Variants in PCDHA12 observed in about 807,000 individuals in gnomAD.
The protein encoded by PCDHA12 is protocadherin alpha 12.
A neutral mutation model predicts 60.0 loss-of-function variants in PCDHA12; 44 were observed. The observed-to-expected ratio is 0.73, with a 90% CI of 0.58 to 0.94. The LOEUF (loss-of-function observed/expected upper bound fraction) is 0.94. Ranked by LOEUF, PCDHA12 falls within the 40% of genes least tolerant of loss-of-function variation. The pLI is 0.00. For missense variants in PCDHA12, 1,276 were observed against 1,239.7 expected (o/e 1.03, Z -0.44); for synonymous variants, 569 against 553.0 (o/e 1.03, Z -0.40).
At chr5:140,883,945 C>T in intron 1 of PCDHA12, 1 of 1,613,378 alleles carries the variant, frequency 6.2e-7, no homozygotes, top group Non-Finnish European at 8.5e-7. Context: ...TGGACGAGAA[C>T]GACAACGCTC....
chr5:140,955,073 C>T (rs2095133365), intron 1 of PCDHA12, among the ~76,000 whole-genome samples: 1 of 152,146 alleles, frequency 6.6e-6, no homozygotes, highest in South Asian at 2.1e-4. Context: ...TGTTGAAGAT[C>T]AGATGGTTGT....
At chr5:140,883,635 C>T (rs997170789) in intron 1 of PCDHA12, 1 of 1,613,182 alleles carries the variant, frequency 6.2e-7, no homozygotes, top group Non-Finnish European at 8.5e-7. Flanking sequence ...CCGGCGTTCG[C>T]GCAGCCCGAG....
At chr5:140,927,481 G>C in intron 1 of PCDHA12, 2 of 1,614,072 alleles carry the variant, frequency 1.2e-6, no homozygotes, top group Non-Finnish European at 1.7e-6. Context: ...CGAACAGCGC[G>C]CCACCCACCT....
At chr5:140,986,141 G>C (rs1473474920) in intron 3 of PCDHA12, among the ~76,000 whole-genome samples, 2 of 152,138 alleles carry the variant, frequency 1.3e-5, no homozygotes, top group African/African-American at 2.4e-5. Context: ...ATCAACAAGG[G>C]CATCACCAAG....
chr5:140,927,045 C>G, intron 1 of PCDHA12: 1 of 1,612,254 alleles, frequency 6.2e-7, no homozygotes, highest in Non-Finnish European at 8.5e-7. Context: ...CCGCTATGTC[C>G]TCGCGGAACT....
At chr5:140,982,658 C>G (rs530615346) in intron 3 of PCDHA12, 95 bp downstream of exon 3, 2 of 1,487,730 alleles carry the variant, frequency 1.3e-6, no homozygotes, top group East Asian at 4.9e-5. Context: ...GGCTCTTTTT[C>G]TTTTATATTT....
chr5:141,004,423 C>T (rs2098165944), intron 3 of PCDHA12, among the ~76,000 whole-genome samples: 1 of 152,202 alleles, frequency 6.6e-6, no homozygotes, highest in Non-Finnish European at 1.5e-5. Context: ...TCTCTGCCTC[C>T]TGGAGTTTAG....
chr5:140,894,941 C>T (rs2064738715), intron 1 of PCDHA12, among the ~76,000 whole-genome samples: 1 of 152,272 alleles, frequency 6.6e-6, no homozygotes, highest in East Asian at 1.9e-4. Context: ...CAGCTATTGT[C>T]ATGAAATGAT....
chr5:140,986,074 T>C (rs1342378005), intron 3 of PCDHA12, among the ~76,000 whole-genome samples: 1 of 152,124 alleles, frequency 6.6e-6, no homozygotes, highest in African/African-American at 2.4e-5. Context: ...AAAGAAACTG[T>C]TCATTTATTT....
chr5:140,967,433 C>A, intron 1 of PCDHA12: 1 of 1,613,500 alleles, frequency 6.2e-7, no homozygotes, highest in Non-Finnish European at 8.5e-7. Context: ...GGCAGCCTTG[C>A]ACCACCTGGT....
chr5:141,010,408 A>G lies in PCDHA12; in HGVS notation c.*471A>G. 1 of 1,251,364 alleles carries G rather than the reference A, an allele frequency of 8.0e-7. No homozygotes were observed. Among genetic ancestry groups the G allele is most frequent in the Non-Finnish European group, 1.1e-6 (1 of 926,828 alleles). 77.5% of individuals were successfully genotyped at this position (1,251,364 alleles called of 1,614,324 possible). ...GGCTGAGACGAGCCAGCTTAGACTA[A>G]TTGGTACAAGGAAGGCAAGAAAACA... On this transcript the variant is annotated 3_prime_UTR_variant, in exon 4 of 4. Transcript: ENST00000398631.
chr5:140,966,529 G>C (rs1382443921), intron 1 of PCDHA12: 5 of 446,974 alleles, frequency 1.1e-5, no homozygotes, highest in Non-Finnish European at 1.9e-5. Flanking sequence ...GCCGAGCCGG[G>C]TTGAGCGACT....
At chr5:140,956,930 A>G (rs2153711573) in intron 1 of PCDHA12, among the ~76,000 whole-genome samples, 1 of 151,954 alleles carries the variant, frequency 6.6e-6, no homozygotes, top group East Asian at 1.9e-4. Flanking sequence ...TGCTGGATAT[A>G]GGATAAAATT....
chr5:140,978,841 T>G, intron 1 of PCDHA12, 108 bp from the exon 2 acceptor site: 1 of 1,563,056 alleles, frequency 6.4e-7, no homozygotes, highest in Non-Finnish European at 8.7e-7. Context: ...ATTCAATACT[T>G]TTTTAGATGC....
chr5:140,918,817 A>C (rs1554198772), intron 1 of PCDHA12, among the ~76,000 whole-genome samples: 1 of 62,248 alleles, frequency 1.6e-5, no homozygotes, highest in Non-Finnish European at 2.7e-5. Context: ...TGAACCAAAA[A>C]GTGGCCCCCT....
In PCDHA12 at chr5:140,877,224, G is replaced by T; in HGVS notation, c.1752G>T (p.Ser584=). 1 of 1,613,712 alleles carries T rather than the reference G, an allele frequency of 6.2e-7. No individual in the cohort carries two copies. Among genetic ancestry groups the T allele is most frequent in the Non-Finnish European group, 8.5e-7 (1 of 1,179,766 alleles). Residue 584 remains serine, a synonymous_variant, in exon 1 of 4, where the codon TCG becomes TCT. Coordinates refer to ENST00000398631, the MANE Select transcript of PCDHA12 (RefSeq NM_018903.4). ...CAGTTAGCGAGTTGGTACCGCGGTC[G>T]GTGGGTGCGGGCCACGTGGTGGCGA... ...GGAVSELVPR[S]VGAGHVVAKV... is the part of the protein sequence containing the mutation.
At chr5:140,961,887 G>GTTT (rs35680913) in intron 1 of PCDHA12, among the ~76,000 whole-genome samples, 3 of 143,936 alleles carry the variant, frequency 2.1e-5, no homozygotes, top group Non-Finnish European at 3.1e-5. Context: ...ACTTACATCA[G>GTTT]TTTTTTTTTT....
chr5:140,967,969 C>T (rs997628696), intron 1 of PCDHA12: 3 of 1,614,064 alleles, frequency 1.9e-6, no homozygotes, highest in African/African-American at 1.3e-5. Flanking sequence ...GGAAAGTGAG[C>T]CTGGGTCTGG....
intron 1 of PCDHA12, chr5:140,968,033 G>A (rs1554230222): frequency 6.2e-7 from 1 of 1,614,074 alleles, no homozygotes; most frequent in African/African-American, 1.3e-5. Context: ...TACACTGGTG[G>A]TGAGCGGCCC....
Sources: allele counts gnomAD v4.1 joint callset (sites outside exome capture counted in the v4.1 genomes callset), GRCh38; gene constraint gnomAD v4.1.1; transcripts MANE v1.5; gene names NCBI Gene and HGNC (gene_info 2026-07-23, HGNC 2026-07-21).